NCLN: variants seen among roughly 807,000 people sequenced by gnomAD.
NCLN encodes BOS complex subunit NCLN.
Under a neutral mutation model 69.5 loss-of-function variants are expected in NCLN, and 34 were observed. The observed-to-expected ratio is 0.49, with a 90% CI of 0.37 to 0.65. The LOEUF is 0.65. NCLN is among the 30% of genes least tolerant of loss of function. The pLI, the probability that NCLN is intolerant of heterozygous loss-of-function variation, is 0.00. For synonymous variants in NCLN, 393 were observed against 358.3 expected (o/e 1.10, Z -1.09); for missense variants, 710 against 804.8 (o/e 0.88, Z 1.42).
chr19:3,204,537 C>A, intron 8 of NCLN, 36 bp from the exon 9 acceptor site: 1 of 1,493,362 alleles, frequency 6.7e-7, no homozygotes, highest in South Asian at 1.3e-5. Context: ...GCCGCCATCC[C>A]CGCCTGCCCT....
chr19:3,202,484 G>A (rs1916152360), intron 6 of NCLN, among the ~76,000 whole-genome samples: 1 of 152,182 alleles, frequency 6.6e-6, no homozygotes, highest in African/African-American at 2.4e-5. Context: ...TGCGGGGTGG[G>A]GTAGAATCAC....
Position 3,206,294 on chromosome 19 carries a change from G to A in NCLN, c.1368G>A (p.Met456Ile), listed in dbSNP as rs950885081. The change falls in exon 12 of 15, where the codon ATG becomes ATA. Residue 456 changes from methionine to isoleucine, a missense_variant. Coordinates refer to ENST00000246117, the MANE Select transcript of NCLN (RefSeq NM_020170.4). Reference sequence around the variant, plus strand: ...AGCAGGAGCAGCTGGACTCGGTGATGGACTGGCTCACCAACCAGCCGCGGG... The same window carrying A: ...AGCAGGAGCAGCTGGACTCGGTGATAGACTGGCTCACCAACCAGCCGCGGG... ...QIQQEQLDSV[M>I]DWLTNQPRAA... is the part of the protein sequence containing the mutation. 1.9e-6 allele frequency: 3 copies of A among 1,548,106 alleles called. No individual in the cohort carries two copies. Among genetic ancestry groups the A allele is most frequent in the Non-Finnish European group, 2.6e-6 (3 of 1,146,862 alleles).
Position 3,196,297 on chromosome 19 carries a change from G to T in NCLN, c.615+20G>T. 1 of 1,521,856 alleles carries T rather than the reference G, an allele frequency of 6.6e-7. No homozygotes were observed. Among genetic ancestry groups the T allele is most frequent in the South Asian group, 1.2e-5 (1 of 82,874 alleles). 94.3% of individuals were successfully genotyped at this position (1,521,856 alleles called of 1,614,324 possible). ...GTGGAGGTGAGTGCCGCCTGCCCCG[G>T]AGCCAGCCCCACGTCCCCAGGGGTT... On this transcript the variant is annotated intron_variant, in intron 4 of 14. Transcript: ENST00000246117.
intron 2 of NCLN, among the ~76,000 whole-genome samples, 197 bp downstream of exon 2, chr19:3,192,857 G>A (rs1218082643): frequency 2.6e-5 from 4 of 152,174 alleles, no homozygotes; most frequent in South Asian, 2.1e-4. Context: ...AGGTGTTCAG[G>A]GAGGGCCGCT....
At chr19:3,196,390 G>A in intron 4 of NCLN, 113 bp downstream of exon 4, 10 of 756,352 alleles carry the variant, frequency 1.3e-5, no homozygotes, top group South Asian at 7.8e-5. Context: ...AACTGGAGTC[G>A]GATCGCCCCC....
In NCLN at chr19:3,185,934, C is replaced by T. The variant is rs1599344529; in HGVS notation, c.-97C>T. 4.3e-6 allele frequency: 4 copies of T among 925,926 alleles called. No homozygotes were observed. Among genetic ancestry groups the T allele is most frequent in the Non-Finnish European group, 5.6e-6 (4 of 717,528 alleles). 57.4% of individuals were successfully genotyped at this position (925,926 alleles called of 1,614,324 possible). On this transcript the variant is annotated 5_prime_UTR_variant, in exon 1 of 15. Coordinates refer to ENST00000246117, the MANE Select transcript of NCLN (RefSeq NM_020170.4). ...GCTGCCCCGCGCGGCGCCCGCAGGA[C>T]CCCGGCGGCTACCCATGCCGAGGTG...
At chr19:3,207,138 C>T in intron 12 of NCLN, 60 bp from the exon 13 acceptor site, 1 of 1,591,512 alleles carries the variant, frequency 6.3e-7, no homozygotes, top group Admixed American at 1.7e-5. Context: ...TCTCTACAAA[C>T]CCTTTTTTAA....
chr19:3,204,813 C>T (rs918243903), intron 9 of NCLN, 62 bp downstream of exon 9: 261 of 1,370,038 alleles, frequency 1.9e-4, no homozygotes, highest in Non-Finnish European at 2.2e-4. Context: ...AGCCACTGGT[C>T]GCAACTGCAG....
chr19:3,203,491 T>C (rs1398792058), intron 6 of NCLN, among the ~76,000 whole-genome samples: 3 of 152,100 alleles, frequency 2.0e-5, no homozygotes, highest in African/African-American at 4.8e-5. Flanking sequence ...GCAGTTGTCA[T>C]TGGGGGAAGC....
chr19:3,200,194 C>T lies in NCLN; in HGVS notation c.696+1297C>T, dbSNP rs147844122. ...GAACTCCTGACCTCAGGCAATCCACCCGCCTCGGCCTCCTAACCTGCTGGG... is the reference window on the plus strand; with the variant it reads ...GAACTCCTGACCTCAGGCAATCCACTCGCCTCGGCCTCCTAACCTGCTGGG... On this transcript the variant is annotated intron_variant, in intron 5 of 14. Transcript: ENST00000246117. 5.0e-3 allele frequency among the ~76,000 whole-genome samples: 763 copies of T among 152,360 alleles called. 4 individuals are homozygous for T. The highest frequency in any genetic ancestry group is 0.018 in the African/African-American group (739 of 41,584).
At position 3,204,730 on chromosome 19, in the gene NCLN, G is replaced by A. The variant is rs764422338; in HGVS notation, c.1187G>A (p.Arg396His). The change falls in exon 9 of 15, where the codon CGC becomes CAC. Residue 396 changes from arginine to histidine, a missense_variant. Physicochemically the swap from Arg to His is conservative, Grantham distance 29. Coordinates refer to ENST00000246117, the MANE Select transcript of NCLN (RefSeq NM_020170.4). ...SHLESHRDGQ[R>H]SSIMDVRSRV... ...CTGGAGAGCCACCGTGACGGCCAGC[G>A]CAGCAGCATCATGGACGTGCGGTGA... 12 of 1,562,540 alleles carry A rather than the reference G, an allele frequency of 7.7e-6. No individual in the cohort carries two copies. In the Admixed American group the frequency reaches 1.1e-4, roughly 15 times the overall value.
chr19:3,192,489 G>C lies in NCLN; in HGVS notation c.204G>C (p.Leu68=). ...CCACAGGCACACGGAATGCAGTGCT[G>C]AACACGGAGGCGCGCACGATGGCGG... ...GQPYGTRNAV[L]NTEARTMAAE... The change falls in exon 2 of 15, where the codon CTG becomes CTC. Residue 68 remains leucine (L), a synonymous_variant. Coordinates refer to ENST00000246117, the MANE Select transcript of NCLN (RefSeq NM_020170.4). 6.2e-7 allele frequency: 1 copy of C among 1,605,412 alleles called. No individual in the cohort carries two copies. Among genetic ancestry groups the C allele is most frequent in the Non-Finnish European group, 8.5e-7 (1 of 1,177,622 alleles).
intron 12 of NCLN, 132 bp from the exon 13 acceptor site, chr19:3,207,066 C>T (rs564915912): frequency 5.2e-5 from 52 of 1,005,958 alleles, no homozygotes; most frequent in South Asian, 2.8e-4. Flanking sequence ...TCAAGTGATC[C>T]GCCTGCCTCA....
At position 3,194,554 on chromosome 19, in the gene NCLN, C is replaced by T. The variant is rs142951210; in HGVS notation, c.520+1126C>T. ...TTTCCCAGCAGCAGAACTGAATTGCCGTGGCTGCGGCAGAGACCATCCAGC... is the reference window on the plus strand; with the variant it reads ...TTTCCCAGCAGCAGAACTGAATTGCTGTGGCTGCGGCAGAGACCATCCAGC... On this transcript the variant is annotated intron_variant, in intron 3 of 14. Transcript: ENST00000246117. Among the ~76,000 whole-genome samples, 12 of 152,272 alleles carry T rather than the reference C, an allele frequency of 7.9e-5. No individual in the cohort carries two copies. In the South Asian group the frequency reaches 1.0e-3, roughly 13 times the overall value.
intron 5 of NCLN, among the ~76,000 whole-genome samples, chr19:3,199,758 T>A (rs1015148111): frequency 1.4e-5 from 2 of 140,956 alleles, no homozygotes; most frequent in Non-Finnish European, 3.0e-5. Context: ...TGGAGTGCAG[T>A]GGCACAATCT....
Position 3,205,064 on chromosome 19 carries a change from G to A in NCLN, c.1208+313G>A, listed in dbSNP as rs1052482889. ...CCTCTTCAGGGCCCTGCCACAGCCC[G>A]AAAGTCCTGCCTGGCCCCGGCCACC... On this transcript the variant is annotated intron_variant, in intron 9 of 14. Coordinates refer to ENST00000246117, the MANE Select transcript of NCLN (RefSeq NM_020170.4). The surrounding 1 kb of genome is among the most constrained non-coding windows in gnomAD (Gnocchi z 4.6). Among the ~76,000 whole-genome samples, 7 of 152,288 alleles carry A rather than the reference G, an allele frequency of 4.6e-5. No individual in the cohort carries two copies. In the East Asian group the frequency reaches 7.7e-4, roughly 17 times the overall value.
At position 3,199,232 on chromosome 19, in the gene NCLN, C is replaced by T. The variant is rs547236003; in HGVS notation, c.696+335C>T. Among the ~76,000 whole-genome samples the T allele has an allele frequency of 8.3e-4, 127 of 152,346 alleles. 1 individual carries two copies. The highest frequency in any genetic ancestry group is 3.0e-3 in the African/African-American group (125 of 41,580). ...TCCTCGAGGCTGTGGTTTGTCCCAG[C>T]GAGCGGTCATGGAGCACGTAGCAGA... On this transcript the variant is annotated intron_variant, in intron 5 of 14. Transcript: ENST00000246117.
intron 4 of NCLN, 32 bp downstream of exon 4, chr19:3,196,309 C>T (rs1490158627): frequency 6.8e-6 from 10 of 1,476,542 alleles, no homozygotes; most frequent in Non-Finnish European, 9.2e-6. Flanking sequence ...GCCAGCCCCA[C>T]GTCCCCAGGG....
Position 3,203,255 on chromosome 19 carries a change from C to T in NCLN, c.801-501C>T, listed in dbSNP as rs113193910. ...CCCGGGAGGCAGAGGTTGCAGTGAGCCGAGACTGCACCATTGCACTCCAGC... is the reference window on the plus strand; with the variant it reads ...CCCGGGAGGCAGAGGTTGCAGTGAGTCGAGACTGCACCATTGCACTCCAGC... On this transcript the variant is annotated intron_variant, in intron 6 of 14. Transcript: ENST00000246117. Among the ~76,000 whole-genome samples, 43 of 152,086 alleles carry T rather than the reference C, an allele frequency of 2.8e-4. 1 individual carries two copies. Among genetic ancestry groups the T allele is most frequent in the African/African-American group, 1.0e-3 (43 of 41,458 alleles).
Sources: allele counts gnomAD v4.1 joint callset (sites outside exome capture counted in the v4.1 genomes callset), GRCh38; gene constraint gnomAD v4.1.1; non-coding constraint Gnocchi (gnomAD v3.1); transcripts MANE v1.5; gene names NCBI Gene and HGNC (gene_info 2026-07-23, HGNC 2026-07-21).